Variants in GATAD1 observed in about 807,000 individuals in gnomAD.
GATAD1 encodes the protein GATA zinc finger domain-containing protein 1.
GATAD1 carries 12 observed loss-of-function variants against 26.5 expected under a neutral mutation model. The ratio of observed to expected loss-of-function variants is 0.45; its 90% CI spans 0.29 to 0.73. The LOEUF (loss-of-function observed/expected upper bound fraction) is 0.73. Among genes scored for constraint, GATAD1 ranks in the 30% least tolerant of loss-of-function variants. The pLI is 0.10. For missense variants in GATAD1, 266 were observed against 342.1 expected (o/e 0.78, Z 1.75); for synonymous variants, 129 against 133.1 (o/e 0.97, Z 0.21).
chr7:92,448,773 A>C lies in GATAD1; in HGVS notation c.271A>C (p.Arg91=). The change falls in exon 2 of 5, where the codon AGG becomes CGG. Residue 91 remains arginine (R), a synonymous_variant. Transcript: ENST00000287957. ...ACAGAGTAAGCAGGAAATTCACAGG[A>C]GGTCTGCTCGGCTCAGAAACACTAA... ...GKQSKQEIHR[R]SARLRNTKYK... The C allele has an allele frequency of 1.2e-6, 2 of 1,611,760 alleles. No individual in the cohort carries two copies. The highest frequency in any genetic ancestry group is 1.7e-6 in the Non-Finnish European group (2 of 1,177,832).
chr7:92,468,467 G>A, the GATAD1 span: 18 of 225,074 alleles, frequency 8.0e-5, no homozygotes, highest in Admixed American at 6.2e-4. Flanking sequence ...TGCCGTTGCC[G>A]GCTCGAAGAC....
chr7:92,493,163 A>G, the GATAD1 span: 1 of 1,180,156 alleles, frequency 8.5e-7, no homozygotes, highest in Non-Finnish European at 1.2e-6. Flanking sequence ...ACAAATAAAA[A>G]ATAAAATTAA....
At chr7:92,481,500 G>T in the GATAD1 span, among the ~76,000 whole-genome samples, 1 of 152,332 alleles carries the variant, frequency 6.6e-6, no homozygotes, top group South Asian at 2.1e-4. Context: ...ACCGCATGGA[G>T]ACATGATGGC....
the GATAD1 span, among the ~76,000 whole-genome samples, chr7:92,484,247 A>T: frequency 6.6e-6 from 1 of 152,202 alleles, no homozygotes; most frequent in Non-Finnish European, 1.5e-5. Context: ...TAGGTTTTTA[A>T]GAACACAGGC....
the GATAD1 span, chr7:92,489,481 G>T: frequency 2.4e-5 from 35 of 1,469,358 alleles, no homozygotes; most frequent in Non-Finnish European, 3.0e-5. Context: ...AAAAAATGTG[G>T]TAGTCCAGTT....
chr7:92,478,773 A>C, the GATAD1 span, among the ~76,000 whole-genome samples: 1 of 152,188 alleles, frequency 6.6e-6, no homozygotes, highest in African/African-American at 2.4e-5. Context: ...GCAAACTTTG[A>C]TATGCAAATG....
the GATAD1 span, chr7:92,493,651 C>G: frequency 6.5e-6 from 1 of 153,728 alleles, no homozygotes; most frequent in Admixed American, 6.5e-5. Context: ...AAACAAAAAC[C>G]CAAAAACCTA....
the GATAD1 span, chr7:92,494,369 C>A: frequency 6.2e-7 from 1 of 1,613,794 alleles, no homozygotes; most frequent in Non-Finnish European, 8.5e-7. Context: ...CAAGTCAGGG[C>A]GACTAGTAGC....
intron 2 of GATAD1, chr7:92,449,573 TGTTTCACTTACCC>T (rs1404665143): frequency 2.0e-6 from 2 of 976,444 alleles, no homozygotes; most frequent in Admixed American, 6.1e-5. Flanking sequence ...AGAACAGGAA[TGTTTCACTTACCC>T]GTAAAGACGT....
At chr7:92,494,621 G>A in the GATAD1 span, 1 of 1,613,836 alleles carries the variant, frequency 6.2e-7, no homozygotes, top group Non-Finnish European at 8.5e-7. Flanking sequence ...GGGCTTTGCA[G>A]CCTGTGCTCT....
chr7:92,494,225 G>T, the GATAD1 span: 1 of 1,165,156 alleles, frequency 8.6e-7, no homozygotes, highest in East Asian at 2.4e-5. Flanking sequence ...TTACCTGGCA[G>T]AAGTAAAGCT....
rs35310565 is a variant in GATAD1 at position 92,457,161 on chromosome 7, GAAA to G, written c.*617_*619del. ...GCAACAGAGTGAGACTCTTGTCTCG[GAAA>G]AAAAAAAAAAAAAAAAAGGCTGGGC... On this transcript the variant is annotated 3_prime_UTR_variant, in exon 5 of 5. Coordinates refer to ENST00000287957, the MANE Select transcript of GATAD1 (RefSeq NM_021167.5). The G allele has an allele frequency of 7.3e-5, 7 of 95,570 alleles. No homozygotes were observed. Among genetic ancestry groups the G allele is most frequent in the African/African-American group, 1.9e-4 (5 of 26,208 alleles). 5.9% of individuals were successfully genotyped at this position (95,570 alleles called of 1,614,324 possible). A position where few individuals can be genotyped will look rare whatever the true frequency, so the allele number is the denominator to read the frequency against.
At chr7:92,455,471 T>C (rs1202878897) in intron 4 of GATAD1, among the ~76,000 whole-genome samples, 2 of 152,306 alleles carry the variant, frequency 1.3e-5, no homozygotes, top group East Asian at 3.9e-4. Flanking sequence ...CTTAGGCCTT[T>C]ATAGTATAAA....
At chr7:92,494,000 T>C in the GATAD1 span, 82 of 345,772 alleles carry the variant, frequency 2.4e-4, no homozygotes, top group Non-Finnish European at 4.0e-4. Context: ...TGGAAGTATG[T>C]AATCTTTGAA....
chr7:92,478,185 G>C, the GATAD1 span, among the ~76,000 whole-genome samples: 1 of 152,208 alleles, frequency 6.6e-6, no homozygotes, highest in Non-Finnish European at 1.5e-5. Context: ...AGCTAGTCCT[G>C]TCTCTCAGTT....
chr7:92,468,584 C>G, the GATAD1 span: 1 of 489,560 alleles, frequency 2.0e-6, no homozygotes, highest in East Asian at 3.3e-5. Context: ...TTAGTGAGCT[C>G]TCTGATTGGT....
Position 92,458,499 on chromosome 7 carries a change from G to A in GATAD1, c.*1937G>A, listed in dbSNP as rs1789782479. 1 of 152,224 alleles carries A rather than the reference G, an allele frequency of 6.6e-6. No individual in the cohort carries two copies. The highest frequency in any genetic ancestry group is 6.5e-5 in the Admixed American group (1 of 15,286). The allele number at this position is 152,224 out of a possible 1,614,324, so 9.4% of individuals were successfully genotyped here. A position where few individuals can be genotyped will look rare whatever the true frequency, so the allele number is the denominator to read the frequency against. The stretch of plus-strand genomic sequence containing the variant: ...GAAATTGTCTAGAATTCAGGTGCAG[G>A]TCTTTGCCGGTTAAGTAAGGGAGCA... On this transcript the variant is annotated 3_prime_UTR_variant, in exon 5 of 5. Transcript: ENST00000287957.
At chr7:92,455,698 A>G (rs1322858624) in intron 4 of GATAD1, among the ~76,000 whole-genome samples, 1 of 152,228 alleles carries the variant, frequency 6.6e-6, no homozygotes, top group Non-Finnish European at 1.5e-5. Flanking sequence ...AGAGAACTCC[A>G]GGGACAAATA....
At chr7:92,478,422 C>T in the GATAD1 span, among the ~76,000 whole-genome samples, 3 of 152,086 alleles carry the variant, frequency 2.0e-5, no homozygotes, top group African/African-American at 4.8e-5. Context: ...TATACCACAA[C>T]GTCGGGAATA....
Sources: gnomAD v4.1 joint callset for allele counts (sites outside exome capture counted in the v4.1 genomes callset) on GRCh38, gnomAD v4.1.1 for gene constraint, MANE v1.5 for transcripts, NCBI Gene and HGNC (gene_info 2026-07-23, HGNC 2026-07-21) for gene names.